The following TMTC2 variants were observed in gnomAD, a reference collection of about 807,000 sequenced individuals.
The protein encoded by TMTC2 is protein O-mannosyl-transferase TMTC2.
In TMTC2, 43 loss-of-function variants were observed where a neutral mutation model predicts 82.4. That is an observed-to-expected ratio of 0.52 (90% CI 0.41 to 0.67). The LOEUF is 0.67. TMTC2 is among the 30% of genes least tolerant of loss of function. The pLI is 0.00. For synonymous variants in TMTC2, 408 were observed against 381.9 expected, an observed-to-expected ratio of 1.07 and a Z score of -0.80; for missense variants, 919 against 1,012.4, an observed-to-expected ratio of 0.91 and a Z score of 1.25.
At chr12:83,013,437 C>G (rs182894289) in intron 8 of TMTC2, among the ~76,000 whole-genome samples, 179 of 152,244 alleles carry the variant, frequency 1.2e-3, no homozygotes, top group Non-Finnish European at 2.1e-3. Context: ...TCCACCTAGG[C>G]TAGCAATACT....
chr12:82,735,622 G>A (rs1439907249), intron 1 of TMTC2, among the ~76,000 whole-genome samples: 1 of 151,682 alleles, frequency 6.6e-6, no homozygotes, highest in Non-Finnish European at 1.5e-5. Context: ...TGGGATTACA[G>A]GCGTGAGCCA....
At chr12:82,824,215 A>G (rs563588051) in intron 1 of TMTC2, among the ~76,000 whole-genome samples, 53 of 152,200 alleles carry the variant, frequency 3.5e-4, no homozygotes, top group African/African-American at 1.2e-3. Flanking sequence ...TTAAATAACA[A>G]ATGTTTTGTA....
chr12:82,707,484 C>A (rs991767059), intron 1 of TMTC2, among the ~76,000 whole-genome samples: 1 of 152,206 alleles, frequency 6.6e-6, no homozygotes, highest in Non-Finnish European at 1.5e-5. Context: ...CCAAAGAGCT[C>A]TAATGAGGCC....
intron 2 of TMTC2, among the ~76,000 whole-genome samples, chr12:82,893,367 C>CTG (rs1323061074): frequency 1.0e-4 from 9 of 86,432 alleles, no homozygotes; most frequent in South Asian, 6.3e-4. Flanking sequence ...AAGACTCTAT[C>CTG]TCAAAAAAAA....
At chr12:83,063,870 A>G (rs1882826863) in intron 11 of TMTC2, among the ~76,000 whole-genome samples, 1 of 151,846 alleles carries the variant, frequency 6.6e-6, no homozygotes, top group African/African-American at 2.4e-5. Context: ...GGAGCAGCAC[A>G]AGTGGGTTAA....
At chr12:82,763,828 C>G (rs1428989146) in intron 1 of TMTC2, among the ~76,000 whole-genome samples, 1 of 152,142 alleles carries the variant, frequency 6.6e-6, no homozygotes, top group African/African-American at 2.4e-5. Flanking sequence ...GGGACAAATA[C>G]TCTTGTCATG....
intron 11 of TMTC2, among the ~76,000 whole-genome samples, chr12:83,072,111 G>A (rs1883139740): frequency 6.6e-6 from 1 of 152,078 alleles, no homozygotes; most frequent in East Asian, 1.9e-4. Flanking sequence ...TTGTCAATTT[G>A]TGCTCTTTCA....
chr12:83,130,141 A>G (rs1885219265), intron 11 of TMTC2, among the ~76,000 whole-genome samples: 1 of 152,216 alleles, frequency 6.6e-6, no homozygotes, highest in Admixed American at 6.5e-5. Context: ...CACTCAGGAT[A>G]GCAGGAATCT....
chr12:82,803,320 G>A (rs1879095742), intron 1 of TMTC2, among the ~76,000 whole-genome samples: 1 of 152,086 alleles, frequency 6.6e-6, no homozygotes, highest in Admixed American at 6.5e-5. Flanking sequence ...GGCTAGAGGA[G>A]GCTCCCCACT....
chr12:82,867,940 G>A (rs963320806), intron 2 of TMTC2, among the ~76,000 whole-genome samples: 1 of 152,080 alleles, frequency 6.6e-6, no homozygotes, highest in Non-Finnish European at 1.5e-5. Context: ...TAAGTCTATC[G>A]GGGAAAGGCC....
intron 1 of TMTC2, among the ~76,000 whole-genome samples, chr12:82,834,946 C>T (rs1053333358): frequency 1.3e-5 from 2 of 151,744 alleles, no homozygotes; most frequent in Non-Finnish European, 2.9e-5. Context: ...GGTGCTATCT[C>T]GGCCCACTGC....
chr12:82,898,959 A>G (rs1873820833), intron 3 of TMTC2, among the ~76,000 whole-genome samples: 1 of 152,208 alleles, frequency 6.6e-6, no homozygotes. Flanking sequence ...TTCCAGCATT[A>G]GCTGGTATTT....
chr12:83,086,297 C>T (rs1379974895), intron 11 of TMTC2, among the ~76,000 whole-genome samples: 3 of 152,082 alleles, frequency 2.0e-5, no homozygotes, highest in Non-Finnish European at 4.4e-5. Flanking sequence ...GTGGGGCGGC[C>T]GGGCAGAGGC....
rs577117891 is a variant in TMTC2 at position 82,847,495 on chromosome 12, C to T, written c.84-9515C>T. Reference sequence around the variant, plus strand: ...ATGCTGCTATAAAGACACATGCACACGTATGTTTATTGTGGCACTATTCAC... The same window carrying T: ...ATGCTGCTATAAAGACACATGCACATGTATGTTTATTGTGGCACTATTCAC... On this transcript the variant is annotated intron_variant, in intron 1 of 11. Coordinates refer to ENST00000321196, the MANE Select transcript of TMTC2 (RefSeq NM_152588.3). Among the ~76,000 whole-genome samples, 4 of 152,202 alleles carry T rather than the reference C, an allele frequency of 2.6e-5. No homozygotes were observed. In the South Asian group the frequency reaches 6.2e-4, roughly 24 times the overall value.
At chr12:82,741,102 C>T (rs1347850058) in intron 1 of TMTC2, among the ~76,000 whole-genome samples, 1 of 152,212 alleles carries the variant, frequency 6.6e-6, no homozygotes, top group Non-Finnish European at 1.5e-5. Context: ...TTTTGGTTTG[C>T]ACTTCCCTGT....
chr12:82,742,883 A>G (rs1459105585), intron 1 of TMTC2, among the ~76,000 whole-genome samples: 2 of 151,974 alleles, frequency 1.3e-5, no homozygotes, highest in African/African-American at 2.4e-5. Flanking sequence ...CCACTTCACC[A>G]TTTCACCAAG....
At chr12:83,043,163 A>T (rs1302878121) in intron 9 of TMTC2, among the ~76,000 whole-genome samples, 1 of 152,218 alleles carries the variant, frequency 6.6e-6, no homozygotes, top group East Asian at 1.9e-4. Flanking sequence ...GACACTCAGC[A>T]AGGCTCCTTT....
intron 4 of TMTC2, among the ~76,000 whole-genome samples, chr12:82,946,030 G>A (rs1876973327): frequency 6.6e-6 from 1 of 151,792 alleles, no homozygotes; most frequent in South Asian, 2.1e-4. Flanking sequence ...TCAATTCTTT[G>A]CTTCAATGTT....
chr12:82,772,033 A>G (rs1191578548), intron 1 of TMTC2, among the ~76,000 whole-genome samples: 1 of 151,976 alleles, frequency 6.6e-6, no homozygotes, highest in Non-Finnish European at 1.5e-5. Flanking sequence ...TGTCAATTGG[A>G]TATTTAGATG....
Sources: allele counts gnomAD v4.1 joint callset (sites outside exome capture counted in the v4.1 genomes callset), GRCh38; gene constraint gnomAD v4.1.1; transcripts MANE v1.5; gene names NCBI Gene and HGNC (gene_info 2026-07-23, HGNC 2026-07-21).